The following POLQ variants were observed in gnomAD, a reference collection of about 807,000 sequenced individuals.
POLQ encodes DNA polymerase theta, also known as epididymis secretory sperm binding protein.
In POLQ, 233 loss-of-function variants were observed where a neutral mutation model predicts 259.2. The observed-to-expected ratio is 0.90, with a 90% CI of 0.81 to 1.00. POLQ has a LOEUF of 1.00. Ranked by LOEUF, POLQ falls within the 50% of genes least tolerant of loss-of-function variation. The probability of loss-of-function intolerance (pLI) is 0.00; values close to 1 mark genes in which losing one functional copy is unlikely to be tolerated. For synonymous variants in POLQ, 1,025 were observed against 1,048.8 expected (o/e 0.98, Z 0.44); for missense variants, 2,871 against 3,051.6 (o/e 0.94, Z 1.39).
At chr3:121,514,361 C>CAA (rs76640182) in intron 9 of POLQ, among the ~76,000 whole-genome samples, 71 of 85,258 alleles carry the variant, frequency 8.3e-4, no homozygotes, top group African/African-American at 1.6e-3. Flanking sequence ...CAACAATAAC[C>CAA]AAAAAAAAAA....
chr3:121,510,775 A>C (rs1278086088), intron 10 of POLQ, among the ~76,000 whole-genome samples: 4 of 151,950 alleles, frequency 2.6e-5, no homozygotes, highest in African/African-American at 9.7e-5. Context: ...AAAGTAGATA[A>C]AATATTTTCT....
chr3:121,523,512 G>A (rs1187434944), intron 7 of POLQ, among the ~76,000 whole-genome samples: 3 of 152,028 alleles, frequency 2.0e-5, no homozygotes, highest in Admixed American at 1.3e-4. Flanking sequence ...AGGAGTTTGA[G>A]ACCAGCCTGG....
In POLQ at chr3:121,488,153, A is replaced by C; in HGVS notation, c.4778T>G (p.Leu1593Arg). 1 of 1,613,206 alleles carries C rather than the reference A, an allele frequency of 6.2e-7. No individual in the cohort carries two copies. Among genetic ancestry groups the C allele is most frequent in the Non-Finnish European group, 8.5e-7 (1 of 1,179,466 alleles). Reference protein sequence around the residue: ...HTVVSPRALELSDPVLDEHHQ... With the variant: ...HTVVSPRALERSDPVLDEHHQ... ...GTGCTCATCAAGTACTGGATCACTTAGTTCTAATGCTCTAGGAGATACTAC... is the reference window on the plus strand; with the variant it reads ...GTGCTCATCAAGTACTGGATCACTTCGTTCTAATGCTCTAGGAGATACTAC... Residue 1593 changes from leucine to arginine, a missense_variant, in exon 16 of 30, where the codon CTA (leucine) becomes CGA (arginine). This residue lies in a region of POLQ where 2,080 missense variants were observed against 2,126.0 expected (regional missense o/e 0.98). Transcript: ENST00000264233.
chr3:121,497,979 G>A (rs2048137462), intron 13 of POLQ, among the ~76,000 whole-genome samples: 2 of 152,118 alleles, frequency 1.3e-5, no homozygotes, highest in African/African-American at 4.8e-5. Flanking sequence ...TAAACTGTGA[G>A]CTGCAGAAAG....
intron 8 of POLQ, 137 bp from the exon 9 acceptor site, chr3:121,520,220 G>C: frequency 1.6e-6 from 1 of 634,418 alleles, no homozygotes; most frequent in East Asian, 2.7e-5. Flanking sequence ...TGACAAAGGA[G>C]TCATCACAGT....
chr3:121,436,172 G>T lies in POLQ; in HGVS notation c.7493C>A (p.Thr2498Asn). 6.2e-7 allele frequency: 1 copy of T among 1,613,842 alleles called. No homozygotes were observed. The highest frequency in any genetic ancestry group is 8.5e-7 in the Non-Finnish European group (1 of 1,179,760). The stretch of plus-strand genomic sequence containing the variant: ...CTCTCGATGACCATGGGATTTGAAG[G>T]TTGAGTGGAAGGTCTCTAATTGCTT... ...IQKQLETFHS[T>N]FKSHGHREGM... The change falls in exon 28 of 30, where the codon ACC becomes AAC. Residue 2498 changes from threonine (T) to asparagine (N), a missense_variant. This residue lies in a region of POLQ where 2,080 missense variants were observed against 2,126.0 expected (regional missense o/e 0.98). Transcript: ENST00000264233.
chr3:121,536,666 A>G (rs1195935305), intron 5 of POLQ, among the ~76,000 whole-genome samples: 1 of 152,188 alleles, frequency 6.6e-6, no homozygotes, highest in East Asian at 1.9e-4. Flanking sequence ...GTTGTTAGAG[A>G]CATGGTCTTG....
Position 121,467,584 on chromosome 3 carries a change from T to C in POLQ, c.6902A>G (p.Glu2301Gly). Residue 2301 changes from glutamate (E) to glycine (G), a missense_variant, in exon 24 of 30, where the codon GAG becomes GGG. This residue lies in a region of POLQ where 2,080 missense variants were observed against 2,126.0 expected (regional missense o/e 0.98). Transcript: ENST00000264233. The part of the protein sequence containing the change: ...VNPRCQAQME[E>G]RAADRGMPFS... Reference sequence around the variant, plus strand: ...TGGCATTCCTCTGTCTGCAGCTCTCTCCTCCATCTGTGCCTGGCATCTAGG... The same window carrying C: ...TGGCATTCCTCTGTCTGCAGCTCTCCCCTCCATCTGTGCCTGGCATCTAGG... 1 of 1,613,876 alleles carries C rather than the reference T, an allele frequency of 6.2e-7. No homozygotes were observed.
chr3:121,517,231 A>T (rs1336477219), intron 9 of POLQ, among the ~76,000 whole-genome samples: 3 of 152,230 alleles, frequency 2.0e-5, no homozygotes, highest in African/African-American at 7.2e-5. Flanking sequence ...AGGAATGGGA[A>T]GGAAGAATCT....
intron 22 of POLQ, among the ~76,000 whole-genome samples, chr3:121,471,213 A>G (rs1018260922): frequency 5.9e-5 from 9 of 152,164 alleles, no homozygotes; most frequent in African/African-American, 2.2e-4. Context: ...CAGGAGGACC[A>G]TGAGATAACC....
At chr3:121,461,035 T>C (rs1421354716) in intron 24 of POLQ, among the ~76,000 whole-genome samples, 1 of 152,140 alleles carries the variant, frequency 6.6e-6, no homozygotes, top group Admixed American at 6.5e-5. Context: ...ACCTTAAACA[T>C]ATTAAAGAAT....
At chr3:121,435,343 G>T (rs12629829) in intron 28 of POLQ, among the ~76,000 whole-genome samples, 1,818 of 152,234 alleles carry the variant, frequency 0.012, 55 homozygotes, top group East Asian at 0.088. Flanking sequence ...CTGAAAGTAA[G>T]AACAAGAAAA....
intron 19 of POLQ, among the ~76,000 whole-genome samples, chr3:121,479,097 G>A (rs899856295): frequency 6.6e-6 from 1 of 152,024 alleles, no homozygotes; most frequent in African/African-American, 2.4e-5. Flanking sequence ...ACACAATTAA[G>A]TTTAAATATA....
At chr3:121,515,890 C>G (rs1336379787) in intron 9 of POLQ, among the ~76,000 whole-genome samples, 1 of 151,642 alleles carries the variant, frequency 6.6e-6, no homozygotes, top group Non-Finnish European at 1.5e-5. Context: ...TAAAAAAGTC[C>G]AATGAACTAC....
chr3:121,435,246 CAG>C (rs1244835855), intron 28 of POLQ, among the ~76,000 whole-genome samples: 1 of 151,470 alleles, frequency 6.6e-6, no homozygotes, highest in Non-Finnish European at 1.5e-5. Context: ...TGGAATGTGA[CAG>C]AAGAAAAAAA....
chr3:121,526,873 G>A (rs7632839), intron 7 of POLQ, among the ~76,000 whole-genome samples: 17,688 of 71,626 alleles, frequency 0.25, 1,228 homozygotes, highest in East Asian at 0.45. Flanking sequence ...GTGTGTCTCT[G>A]TATGTGTGTG....
chr3:121,488,973 C>T lies in POLQ; in HGVS notation c.3958G>A (p.Asp1320Asn), dbSNP rs2048039097. ...GACTGAGTATCCAGATAGAAACTAT[C>T]TTCAAAATCACAGAGGACTAAACCT... Reference protein sequence around the residue: ...DLGLVLCDFEDSFYLDTQSEK... With the variant: ...DLGLVLCDFENSFYLDTQSEK... The change falls in exon 16 of 30, where the codon GAT becomes AAT. Residue 1320 changes from aspartate to asparagine, a missense_variant. By Grantham distance (23) the Asp-to-Asn change is conservative. This residue lies in a region of POLQ where 2,080 missense variants were observed against 2,126.0 expected (regional missense o/e 0.98). Coordinates refer to ENST00000264233, the MANE Select transcript of POLQ (RefSeq NM_199420.4). 10 of 1,613,766 alleles carry T rather than the reference C, an allele frequency of 6.2e-6. No homozygotes were observed. Among genetic ancestry groups the T allele is most frequent in the Non-Finnish European group, 8.5e-6 (10 of 1,179,672 alleles).
rs765591013 is a variant in POLQ, at chr3:121,490,403, C to T, written c.2528G>A (p.Arg843Gln). 8.7e-6 allele frequency: 14 copies of T among 1,613,144 alleles called. No individual in the cohort carries two copies. Among genetic ancestry groups the T allele is most frequent in the African/African-American group, 5.3e-5 (4 of 74,926 alleles). The change falls in exon 16 of 30, where the codon CGG becomes CAG. Residue 843 changes from arginine (R) to glutamine (Q), a missense_variant. By Grantham distance (43) the Arg-to-Gln change is conservative (BLOSUM62 1). Around this residue, in one of 3 missense-constraint regions of POLQ, gnomAD observed 2,080 missense variants for 2,126.0 expected, o/e 0.98. Coordinates refer to ENST00000264233, the MANE Select transcript of POLQ (RefSeq NM_199420.4). ...TTCCTCTTCCTCATCCACTGCCTTC[C>T]GGGCACTACACAAGGAGATGGGAAA... ...LKNAVPFKSA[R>Q]KAVDEEEEAV... is the part of the protein sequence containing the mutation.
rs1032684060 is a variant in POLQ at position 121,509,935 on chromosome 3, T to C, written c.1816+104A>G. ...TGATACACTGCTCAAAAAATCAAAT[T>C]CCTTTTATACTACATGAAAAGACAA... is the stretch of plus-strand genomic sequence containing the variant. On this transcript the variant is annotated intron_variant, in intron 11 of 29. Coordinates refer to ENST00000264233, the MANE Select transcript of POLQ (RefSeq NM_199420.4). 9.8e-6 allele frequency: 10 copies of C among 1,018,640 alleles called. No individual in the cohort carries two copies. The African/African-American group carries it at 1.5e-4, about 15-fold the overall frequency. 63.1% of individuals were successfully genotyped at this position (1,018,640 alleles called of 1,614,324 possible). A position where few individuals can be genotyped will look rare whatever the true frequency, so the allele number is the denominator to read the frequency against.
Sources: gnomAD v4.1 joint callset for allele counts (sites outside exome capture counted in the v4.1 genomes callset) on GRCh38, gnomAD v4.1.1 for gene constraint, gnomAD v4.1.1 regional missense constraint, MANE v1.5 for transcripts, NCBI Gene and HGNC (gene_info 2026-07-23, HGNC 2026-07-21) for gene names.